The following NRP2 variants were observed in gnomAD, a reference collection of about 807,000 sequenced individuals.
NRP2 encodes the protein neuropilin 2, also known as neuropilin-2.
In NRP2, 52 loss-of-function variants were observed where a neutral mutation model predicts 110.4. That is an observed-to-expected ratio of 0.47 (90% CI 0.38 to 0.59). The LOEUF (loss-of-function observed/expected upper bound fraction) is 0.59. Ranked by LOEUF, NRP2 falls within the 20% of genes least tolerant of loss-of-function variation. The pLI is 0.00. For missense variants in NRP2, 1,049 were observed against 1,203.0 expected, an observed-to-expected ratio of 0.87 and a Z score of 1.89; for synonymous variants, 508 against 468.9, an observed-to-expected ratio of 1.08 and a Z score of -1.08.
intron 15 of NRP2, chr2:205,777,996 G>A (rs548209022): frequency 6.6e-6 from 1 of 152,320 alleles, no homozygotes; most frequent in South Asian, 2.1e-4. Context: ...ATGTAAGAGA[G>A]AAGTTGCTAA....
At chr2:205,772,188 T>G (rs2105937492) in intron 15 of NRP2, among the ~76,000 whole-genome samples, 3 of 152,330 alleles carry the variant, frequency 2.0e-5, no homozygotes, top group Middle Eastern at 6.8e-3. Flanking sequence ...TCATGAGGAA[T>G]AAACAAAATT....
At chr2:205,743,792 G>A (rs1446427299) in intron 9 of NRP2, 5 of 759,760 alleles carry the variant, frequency 6.6e-6, no homozygotes, top group Non-Finnish European at 9.9e-6. Context: ...CACCCAGGCT[G>A]GAGTGCAGTG....
intron 5 of NRP2, among the ~76,000 whole-genome samples, chr2:205,724,776 C>T (rs537746765): frequency 4.1e-5 from 6 of 145,940 alleles, no homozygotes; most frequent in South Asian, 4.3e-4. Context: ...AAGCAATTCT[C>T]GTGTCTCAGC....
chr2:205,770,975 T>C lies in NRP2; in HGVS notation c.2425+4172T>C, dbSNP rs185576378. On this transcript the variant is annotated intron_variant, in intron 15 of 16. Coordinates refer to ENST00000357785, the MANE Select transcript of NRP2 (RefSeq NM_003872.3). ...CCCCTCTCCATCAGTTTACCACTCA[T>C]GTAAACAACTGCCGAGGCCAGCTTA... 4.8e-3 allele frequency among the ~76,000 whole-genome samples: 728 copies of C among 152,338 alleles called. 9 individuals are homozygous for C. The highest frequency in any genetic ancestry group is 0.02 in the Middle Eastern group (6 of 294).
chr2:205,729,654 T>C (rs1410857913), intron 7 of NRP2, among the ~76,000 whole-genome samples: 3 of 152,202 alleles, frequency 2.0e-5, no homozygotes, highest in African/African-American at 4.8e-5. Context: ...CATAAGCTGT[T>C]TTAAAAGCAT....
At chr2:205,761,601 G>A (rs565250481) in intron 12 of NRP2, 1 of 152,376 alleles carries the variant, frequency 6.6e-6, no homozygotes, top group South Asian at 2.1e-4. Flanking sequence ...GTGGTTCAGG[G>A]AGTGGAGAAT....
At chr2:205,727,558 C>T (rs756473491) in intron 6 of NRP2, among the ~76,000 whole-genome samples, 12 of 152,248 alleles carry the variant, frequency 7.9e-5, no homozygotes, top group South Asian at 6.2e-4. Flanking sequence ...GCAGCATCTG[C>T]TTCCACAGTC....
intron 16 of NRP2, 75 bp downstream of exon 16, chr2:205,792,360 T>G: frequency 9.2e-7 from 1 of 1,086,674 alleles, no homozygotes; most frequent in Non-Finnish European, 1.4e-6. Flanking sequence ...AAAATAATGC[T>G]CTGGGTATCG....
At chr2:205,718,425 T>G (rs1273371469) in intron 3 of NRP2, among the ~76,000 whole-genome samples, 1 of 152,208 alleles carries the variant, frequency 6.6e-6, no homozygotes, top group Non-Finnish European at 1.5e-5. Flanking sequence ...GAAACAATGG[T>G]GCCAGCCAAC....
intron 15 of NRP2, chr2:205,767,087 G>A: frequency 4.0e-6 from 2 of 495,752 alleles, no homozygotes; most frequent in South Asian, 4.8e-5. Context: ...CCAACGGGGA[G>A]CAATGAGGCT....
intron 11 of NRP2, among the ~76,000 whole-genome samples, chr2:205,752,239 G>C (rs1455158375): frequency 1.3e-5 from 2 of 152,170 alleles, no homozygotes; most frequent in Non-Finnish European, 2.9e-5. Flanking sequence ...ATTTCCCACC[G>C]GGCATACCTC....
chr2:205,745,254 T>G (rs1298854564), intron 9 of NRP2, among the ~76,000 whole-genome samples: 4 of 152,112 alleles, frequency 2.6e-5, no homozygotes, highest in Non-Finnish European at 5.9e-5. Flanking sequence ...GGCCTAGGGG[T>G]CATTTTCCCG....
chr2:205,761,012 G>C (rs1042608835), intron 12 of NRP2: 1 of 152,186 alleles, frequency 6.6e-6, no homozygotes, highest in Non-Finnish European at 1.5e-5. Context: ...AAGCGTGGGA[G>C]CATTTAAAGG....
At chr2:205,792,511 T>A (rs2058313092) in intron 16 of NRP2, among the ~76,000 whole-genome samples, 1 of 152,178 alleles carries the variant, frequency 6.6e-6, no homozygotes, top group Admixed American at 6.5e-5. Flanking sequence ...CTGAAACAGA[T>A]CCCCTCTTTC....
At chr2:205,784,354 T>C (rs2058212381) in intron 15 of NRP2, among the ~76,000 whole-genome samples, 1 of 152,226 alleles carries the variant, frequency 6.6e-6, no homozygotes, top group Admixed American at 6.5e-5. Context: ...TTTTTGTCTC[T>C]TTGTGTTTTC....
Position 205,738,400 on chromosome 2 carries a change from G to A in NRP2, c.1147-2119G>A, listed in dbSNP as rs1282257620. On this transcript the variant is annotated intron_variant, in intron 7 of 16. Coordinates refer to ENST00000357785, the MANE Select transcript of NRP2 (RefSeq NM_003872.3). The stretch of plus-strand genomic sequence containing the variant: ...CCTTTCCAAAACAAAACAAAGCAAA[G>A]CAAAACAAAACAAAACAGAAAGCCT... 3.3e-5 allele frequency among the ~76,000 whole-genome samples: 5 copies of A among 152,244 alleles called. No individual in the cohort carries two copies. The South Asian group carries it at 8.3e-4, about 25-fold the overall frequency.
intron 2 of NRP2, among the ~76,000 whole-genome samples, chr2:205,708,921 TAC>T (rs1448517249): frequency 3.3e-5 from 5 of 152,156 alleles, no homozygotes; most frequent in Admixed American, 6.5e-5. Flanking sequence ...CCCAAACAAA[TAC>T]AGAGTTTGGT....
intron 7 of NRP2, among the ~76,000 whole-genome samples, chr2:205,734,155 A>G (rs2057296227): frequency 6.8e-6 from 1 of 146,568 alleles, no homozygotes; most frequent in African/African-American, 2.6e-5. Context: ...ACCTTCTCTT[A>G]ATCTCTCTCT....
chr2:205,689,255 C>T (rs1198278203), intron 1 of NRP2, among the ~76,000 whole-genome samples: 1 of 152,254 alleles, frequency 6.6e-6, no homozygotes, highest in East Asian at 1.9e-4. Context: ...GGTTTAGAAT[C>T]TAGCTCAGCC....
Sources: gnomAD v4.1 joint callset for allele counts (sites outside exome capture counted in the v4.1 genomes callset) on GRCh38, gnomAD v4.1.1 for gene constraint, MANE v1.5 for transcripts, NCBI Gene and HGNC (gene_info 2026-07-23, HGNC 2026-07-21) for gene names.